CA10: variants seen among roughly 807,000 people sequenced by gnomAD.
CA10 encodes the protein carbonic anhydrase-related protein 10.
Under a neutral mutation model 44.2 loss-of-function variants are expected in CA10, and 14 were observed. The ratio of observed to expected loss-of-function variants is 0.32; its 90% CI spans 0.21 to 0.50. The LOEUF is 0.50. Among genes scored for constraint, CA10 ranks in the 20% least tolerant of loss-of-function variants. CA10 has a pLI of 0.99. For missense variants in CA10, 350 were observed against 409.7 expected, an observed-to-expected ratio of 0.85 and a Z score of 1.26; for synonymous variants, 159 against 141.6, an observed-to-expected ratio of 1.12 and a Z score of -0.87.
At position 51,966,121 on chromosome 17, in the gene CA10, C is replaced by T. The variant is rs552099352; in HGVS notation, c.137-34989G>A. Among the ~76,000 whole-genome samples the T allele has an allele frequency of 3.3e-5, 5 of 151,582 alleles. No homozygotes were observed. The South Asian group carries it at 1.0e-3, about 32-fold the overall frequency. On this transcript the variant is annotated intron_variant, in intron 2 of 8. Transcript: ENST00000451037. The stretch of plus-strand genomic sequence containing the variant: ...AAGAATGTAATCTAATTTGCAATAG[C>T]CATACAAAAAACACCTAAAAATATA...
chr17:51,664,926 C>T (rs999938113), intron 4 of CA10, among the ~76,000 whole-genome samples: 20 of 152,254 alleles, frequency 1.3e-4, no homozygotes, highest in African/African-American at 4.6e-4. Flanking sequence ...AAGGGGTTGA[C>T]GGAGAAGACT....
intron 1 of CA10, among the ~76,000 whole-genome samples, chr17:52,088,901 C>A (rs764970351): frequency 6.6e-6 from 1 of 152,122 alleles, no homozygotes; most frequent in Non-Finnish European, 1.5e-5. Flanking sequence ...TTACCAAGCA[C>A]AAAAGTGAAA....
chr17:51,705,058 G>C (rs887981914), intron 4 of CA10, among the ~76,000 whole-genome samples: 3 of 151,258 alleles, frequency 2.0e-5, no homozygotes, highest in Non-Finnish European at 4.4e-5. Context: ...ATTCCTCTTC[G>C]GCTAAAGATC....
intron 1 of CA10, among the ~76,000 whole-genome samples, chr17:52,157,108 C>T (rs1016415808): frequency 8.5e-5 from 13 of 152,112 alleles, no homozygotes; most frequent in African/African-American, 2.9e-4. Flanking sequence ...TAAAAAACAC[C>T]GTGATGTAAA....
At chr17:51,904,639 T>C (rs560825804) in intron 3 of CA10, among the ~76,000 whole-genome samples, 12 of 152,268 alleles carry the variant, frequency 7.9e-5, no homozygotes, top group African/African-American at 2.2e-4. Context: ...GGAAATCTTA[T>C]ATGCATAAGG....
chr17:52,108,065 T>A (rs1455885030), intron 1 of CA10, among the ~76,000 whole-genome samples: 1 of 151,636 alleles, frequency 6.6e-6, no homozygotes, highest in African/African-American at 2.4e-5. Flanking sequence ...GCCACGCACT[T>A]ATTCTATTAT....
At position 51,951,562 on chromosome 17, in the gene CA10, AT is replaced by A. The variant is rs780281487; in HGVS notation, c.137-20431del. On this transcript the variant is annotated intron_variant, in intron 2 of 8. Transcript: ENST00000451037. ...CAAAGAGCTAACTCAAAAGAAAATG[AT>A]TTTTTAAAAAAATGACAAACACATA... Among the ~76,000 whole-genome samples, 120 of 152,174 alleles carry A rather than the reference AT, an allele frequency of 7.9e-4. 1 individual carries two copies. The highest frequency in any genetic ancestry group is 4.6e-4 in the Admixed American group (7 of 15,270).
intron 2 of CA10, among the ~76,000 whole-genome samples, chr17:51,979,833 C>T (rs762153892): frequency 1.1e-4 from 17 of 152,088 alleles, no homozygotes; most frequent in Non-Finnish European, 1.5e-4. Context: ...GCGCCATCCG[C>T]GATCCTGCAA....
rs1905823456 is a variant in CA10, at chr17:51,776,436, G to T, written c.280-28618C>A. 2.0e-5 allele frequency among the ~76,000 whole-genome samples: 3 copies of T among 151,860 alleles called. No homozygotes were observed. In the South Asian group the frequency reaches 6.2e-4, roughly 32 times the overall value. On this transcript the variant is annotated intron_variant, in intron 3 of 8. Transcript: ENST00000451037. ...GCCACATTAACAAAAGAATAAAACA[G>T]GTAAAATCAGTTTTAAGAATATAGA... is the stretch of plus-strand genomic sequence containing the variant.
intron 4 of CA10, among the ~76,000 whole-genome samples, chr17:51,704,965 T>TAA (rs768498016): frequency 1.0e-4 from 13 of 129,342 alleles, no homozygotes; most frequent in South Asian, 4.9e-4. Flanking sequence ...CGACTCTGTC[T>TAA]AAAAAAAAAA....
chr17:52,153,900 C>A lies in CA10; in HGVS notation c.61+3826G>T, dbSNP rs144508734. ...AAACATGTGACACGTGTACTGTTATCTCTTTTCTACACATAAGGAAACTGA... is the reference window on the plus strand; with the variant it reads ...AAACATGTGACACGTGTACTGTTATATCTTTTCTACACATAAGGAAACTGA... On this transcript the variant is annotated intron_variant, in intron 1 of 8. Transcript: ENST00000451037. Among the ~76,000 whole-genome samples the A allele has an allele frequency of 1.2e-3, 178 of 152,266 alleles. No homozygotes were observed. In the Middle Eastern group the frequency reaches 0.02, roughly 17 times the overall value.
At chr17:52,086,507 C>T (rs1011922202) in intron 1 of CA10, among the ~76,000 whole-genome samples, 13 of 152,198 alleles carry the variant, frequency 8.5e-5, no homozygotes, top group African/African-American at 3.1e-4. Flanking sequence ...GCCCACATTT[C>T]ATTGACTAGA....
chr17:51,845,132 C>G (rs888622730), intron 3 of CA10, among the ~76,000 whole-genome samples: 7 of 152,330 alleles, frequency 4.6e-5, no homozygotes, highest in African/African-American at 1.7e-4. Flanking sequence ...GGGAGCACAG[C>G]TCTGCTGACA....
At chr17:52,155,172 A>G (rs1417931175) in intron 1 of CA10, among the ~76,000 whole-genome samples, 9 of 152,236 alleles carry the variant, frequency 5.9e-5, no homozygotes, top group Admixed American at 5.2e-4. Context: ...AACTCTATCA[A>G]TGCTTCAAGT....
intron 2 of CA10, among the ~76,000 whole-genome samples, chr17:52,003,727 G>A (rs1365439025): frequency 6.6e-6 from 1 of 151,794 alleles, no homozygotes; most frequent in Non-Finnish European, 1.5e-5. Context: ...AAAGGGAAAT[G>A]GATACACTTA....
chr17:52,032,543 G>T (rs1440204483), intron 2 of CA10, among the ~76,000 whole-genome samples: 1 of 152,038 alleles, frequency 6.6e-6, no homozygotes, highest in Non-Finnish European at 1.5e-5. Flanking sequence ...CTCTTGGCCG[G>T]TTGCTCATAA....
At chr17:51,685,416 G>A (rs907989708) in intron 4 of CA10, among the ~76,000 whole-genome samples, 2 of 152,262 alleles carry the variant, frequency 1.3e-5, no homozygotes, top group Admixed American at 1.3e-4. Flanking sequence ...AGCCCCTTGT[G>A]TCTCCTCCTA....
At chr17:52,093,184 A>T (rs1488474227) in intron 1 of CA10, among the ~76,000 whole-genome samples, 2 of 152,178 alleles carry the variant, frequency 1.3e-5, no homozygotes, top group Admixed American at 1.3e-4. Flanking sequence ...TAAAGAGGAC[A>T]TAGTTGGGGA....
At chr17:52,072,836 G>C (rs1342436971) in intron 1 of CA10, among the ~76,000 whole-genome samples, 2 of 151,990 alleles carry the variant, frequency 1.3e-5, no homozygotes, top group African/African-American at 4.8e-5. Flanking sequence ...CAGTCTGGAA[G>C]GCTGAAAGGT....
Sources: gnomAD v4.1 joint callset for allele counts (sites outside exome capture counted in the v4.1 genomes callset) on GRCh38, gnomAD v4.1.1 for gene constraint, MANE v1.5 for transcripts, NCBI Gene and HGNC (gene_info 2026-07-23, HGNC 2026-07-21) for gene names.